PMFBP1: variants seen among roughly 807,000 people sequenced by gnomAD.
PMFBP1 encodes polyamine modulated factor 1 binding protein 1, also known as polyamine-modulated factor 1-binding protein 1.
In PMFBP1, 131 loss-of-function variants were observed where a neutral mutation model predicts 137.8. The ratio of observed to expected loss-of-function variants is 0.95; its 90% CI spans 0.82 to 1.10. The LOEUF (loss-of-function observed/expected upper bound fraction) is 1.10. Ranked by LOEUF, PMFBP1 falls within the 50% of genes least tolerant of loss-of-function variation. The probability of loss-of-function intolerance (pLI) is 0.00; values close to 1 mark genes in which losing one functional copy is unlikely to be tolerated. For synonymous variants in PMFBP1, 490 were observed against 450.4 expected (o/e 1.09, Z -1.11); for missense variants, 1,199 against 1,175.4 (o/e 1.02, Z -0.29).
chr16:72,243,732 C>T, the PMFBP1 span, among the ~76,000 whole-genome samples: 1 of 152,128 alleles, frequency 6.6e-6, no homozygotes, highest in African/African-American at 2.4e-5. Flanking sequence ...TTTGGATTCA[C>T]AACACATACT....
At chr16:72,236,806 T>A in the PMFBP1 span, among the ~76,000 whole-genome samples, 1 of 152,168 alleles carries the variant, frequency 6.6e-6, no homozygotes, top group Non-Finnish European at 1.5e-5. Context: ...CTCATATGGA[T>A]AGGTGCTGAA....
chr16:72,221,629 A>G, the PMFBP1 span, among the ~76,000 whole-genome samples: 1 of 152,192 alleles, frequency 6.6e-6, no homozygotes, highest in Non-Finnish European at 1.5e-5. Flanking sequence ...GGGAAGGAGT[A>G]CCTACTCTCG....
At chr16:72,122,310 G>C (rs2042388004) in intron 19 of PMFBP1, among the ~76,000 whole-genome samples, 1 of 152,208 alleles carries the variant, frequency 6.6e-6, no homozygotes, top group Admixed American at 6.5e-5. Context: ...AAAAGGTTGG[G>C]AAGCGCTGTC....
chr16:72,147,451 G>A (rs542157911), intron 5 of PMFBP1, among the ~76,000 whole-genome samples: 1 of 152,266 alleles, frequency 6.6e-6, no homozygotes, highest in East Asian at 1.9e-4. Context: ...TACCGTTCAG[G>A]ACATAGGCAC....
upstream of PMFBP1, among the ~76,000 whole-genome samples, chr16:72,179,475 C>T (rs2043269369): frequency 6.6e-6 from 1 of 152,090 alleles, no homozygotes; most frequent in African/African-American, 2.4e-5. Flanking sequence ...GAGAGAAGAA[C>T]ATTTCCATCT....
chr16:72,205,440 C>G, the PMFBP1 span, among the ~76,000 whole-genome samples: 1 of 152,192 alleles, frequency 6.6e-6, no homozygotes, highest in Non-Finnish European at 1.5e-5. Context: ...CCTACAGTAA[C>G]CACGTGTGTG....
the PMFBP1 span, among the ~76,000 whole-genome samples, chr16:72,227,838 G>A: frequency 1.3e-5 from 2 of 152,130 alleles, no homozygotes; most frequent in African/African-American, 4.8e-5. Flanking sequence ...GCATATATAT[G>A]TACTTAGCAT....
At chr16:72,122,117 T>TA (rs2042385326) in intron 19 of PMFBP1, among the ~76,000 whole-genome samples, 1 of 152,206 alleles carries the variant, frequency 6.6e-6, no homozygotes, top group Non-Finnish European at 1.5e-5. Flanking sequence ...TCTCATCATT[T>TA]AGCTCCCACT....
upstream of PMFBP1, chr16:72,172,554 A>G (rs562480641): frequency 2.0e-5 from 3 of 151,198 alleles, no homozygotes; most frequent in South Asian, 2.1e-4. Context: ...CTCACATTTC[A>G]TTAGCCAAAA....
At chr16:72,210,348 G>A in the PMFBP1 span, among the ~76,000 whole-genome samples, 1 of 152,170 alleles carries the variant, frequency 6.6e-6, no homozygotes, top group East Asian at 1.9e-4. Flanking sequence ...TGAACAAGTT[G>A]GCATTTTGGT....
the PMFBP1 span, among the ~76,000 whole-genome samples, chr16:72,249,765 A>T: frequency 6.6e-6 from 1 of 151,312 alleles, no homozygotes; most frequent in Non-Finnish European, 1.5e-5. Context: ...AAATACAAAA[A>T]AAAAAAATAC....
At chr16:72,128,047 G>A (rs2042488505) in intron 14 of PMFBP1, among the ~76,000 whole-genome samples, 1 of 152,202 alleles carries the variant, frequency 6.6e-6, no homozygotes, top group South Asian at 2.1e-4. Context: ...ACAGGTGTTA[G>A]AGCTGGATAA....
chr16:72,140,357 C>T, intron 6 of PMFBP1, 55 bp downstream of exon 6: 1 of 1,515,212 alleles, frequency 6.6e-7, no homozygotes, highest in Non-Finnish European at 9.1e-7. Context: ...TCCTTTCTCT[C>T]CCCATGTCTT....
the PMFBP1 span, among the ~76,000 whole-genome samples, chr16:72,240,140 A>T: frequency 6.6e-6 from 1 of 152,164 alleles, no homozygotes; most frequent in Non-Finnish European, 1.5e-5. Flanking sequence ...AGATGCAAAA[A>T]TACCTAACAG....
the PMFBP1 span, among the ~76,000 whole-genome samples, chr16:72,208,208 G>A: frequency 6.6e-6 from 1 of 152,184 alleles, no homozygotes; most frequent in African/African-American, 2.4e-5. Context: ...TAGCCCAATC[G>A]AGCTGATACA....
In PMFBP1 at chr16:72,140,399, A is replaced by G. The variant is rs767412340; in HGVS notation, c.807+13T>C. ...GGGTCTCCCAGAGACATGTTCTAGA[A>G]GAAGGCACTTACCAAAGCGTTACTG... On this transcript the variant is annotated intron_variant, in intron 6 of 20. Transcript: ENST00000237353. 3 of 1,607,004 alleles carry G rather than the reference A, an allele frequency of 1.9e-6. No homozygotes were observed. The highest frequency in any genetic ancestry group is 1.3e-5 in the African/African-American group (1 of 74,774).
rs775559064 is a variant in PMFBP1 at position 72,136,510 on chromosome 16, G to A, written c.1141C>T (p.Arg381Trp). The A allele has an allele frequency of 2.2e-5, 36 of 1,613,866 alleles. No individual in the cohort carries two copies. Among genetic ancestry groups the A allele is most frequent in the Middle Eastern group, 3.3e-4 (2 of 6,084 alleles). The part of the protein sequence containing the change: ...KDKDITILQC[R>W]LQELQLEFTE... ...AACTCCAGCTGCAGCTCCTGCAGCC[G>A]GCACTGCAGGATGGTGATGTCCTTA... The change falls in exon 9 of 21, where the codon CGG becomes TGG. Residue 381 changes from arginine (R) to tryptophan (W), a missense_variant. Physicochemically the swap from Arg to Trp is moderately radical, Grantham distance 101 (BLOSUM62 -3). Coordinates refer to ENST00000237353, the MANE Select transcript of PMFBP1 (RefSeq NM_031293.3).
chr16:72,141,884 A>G (rs752569209), intron 5 of PMFBP1, among the ~76,000 whole-genome samples: 1 of 152,108 alleles, frequency 6.6e-6, no homozygotes, highest in Non-Finnish European at 1.5e-5. Flanking sequence ...CAACATGAGT[A>G]TGGCTATTTT....
At chr16:72,247,209 T>C in the PMFBP1 span, among the ~76,000 whole-genome samples, 2 of 152,348 alleles carry the variant, frequency 1.3e-5, no homozygotes, top group Admixed American at 6.5e-5. Flanking sequence ...GATACTAAGA[T>C]ATTTTATAAG....
Sources: allele counts gnomAD v4.1 joint callset (sites outside exome capture counted in the v4.1 genomes callset), GRCh38; gene constraint gnomAD v4.1.1; transcripts MANE v1.5; gene names NCBI Gene and HGNC (gene_info 2026-07-23, HGNC 2026-07-21).